The following STK32B variants were observed in gnomAD, a reference collection of about 807,000 sequenced individuals.
The protein encoded by STK32B is serine/threonine-protein kinase 32B.
Under a neutral mutation model 52.6 loss-of-function variants are expected in STK32B, and 43 were observed. That is an observed-to-expected ratio of 0.82 (90% CI 0.64 to 1.05). The LOEUF is 1.05. Ranked by LOEUF, STK32B falls within the 50% of genes least tolerant of loss-of-function variation. The probability of loss-of-function intolerance (pLI) is 0.00; values close to 1 mark genes in which losing one functional copy is unlikely to be tolerated. For missense variants in STK32B, 621 were observed against 534.6 expected, an observed-to-expected ratio of 1.16 and a Z score of -1.59; for synonymous variants, 238 against 204.3, an observed-to-expected ratio of 1.17 and a Z score of -1.41.
At chr4:5,253,665 G>A (rs1049733436) in intron 3 of STK32B, among the ~76,000 whole-genome samples, 2 of 151,934 alleles carry the variant, frequency 1.3e-5, no homozygotes, top group Admixed American at 1.3e-4. Context: ...GTGAGACACT[G>A]CACCCAGCCT....
intron 11 of STK32B, among the ~76,000 whole-genome samples, chr4:5,496,832 C>G (rs991254550): frequency 6.7e-6 from 1 of 150,052 alleles, no homozygotes; most frequent in East Asian, 2.0e-4. Flanking sequence ...GCATGAAGAT[C>G]AAAGTGATTT....
chr4:5,280,922 C>T (rs529387474), intron 3 of STK32B, among the ~76,000 whole-genome samples: 18 of 151,836 alleles, frequency 1.2e-4, no homozygotes, highest in East Asian at 1.2e-3. Flanking sequence ...AAAACAAAAA[C>T]GAAACAAAAC....
At chr4:5,316,044 C>G (rs950196688) in intron 3 of STK32B, among the ~76,000 whole-genome samples, 2 of 138,900 alleles carry the variant, frequency 1.4e-5, no homozygotes, top group African/African-American at 5.9e-5. Flanking sequence ...ATTAATAAGG[C>G]AAAATGTAAT....
chr4:5,153,470 T>G (rs2108848160), intron 2 of STK32B, among the ~76,000 whole-genome samples: 1 of 151,054 alleles, frequency 6.6e-6, no homozygotes, highest in South Asian at 2.1e-4. Context: ...TTCTTTCCTT[T>G]TTTTTTTTTA....
chr4:5,342,246 C>A (rs1008255416), intron 4 of STK32B, among the ~76,000 whole-genome samples: 2 of 152,146 alleles, frequency 1.3e-5, no homozygotes, highest in African/African-American at 2.4e-5. Flanking sequence ...AAGACACATG[C>A]ACACGTATGT....
chr4:5,158,263 C>G (rs575717610), intron 2 of STK32B, among the ~76,000 whole-genome samples: 1 of 152,262 alleles, frequency 6.6e-6, no homozygotes, highest in East Asian at 1.9e-4. Flanking sequence ...TTTCCCAGCT[C>G]CCTTTACCCT....
intron 3 of STK32B, among the ~76,000 whole-genome samples, chr4:5,219,366 A>C (rs1560234484): frequency 6.6e-6 from 1 of 152,240 alleles, no homozygotes; most frequent in Non-Finnish European, 1.5e-5. Flanking sequence ...TGGGCCTGAC[A>C]ACACTACATT....
intron 3 of STK32B, among the ~76,000 whole-genome samples, chr4:5,297,266 C>T (rs1030246916): frequency 2.6e-5 from 4 of 152,138 alleles, no homozygotes; most frequent in African/African-American, 9.7e-5. Flanking sequence ...TTGGGTTGCT[C>T]TTCTCAAGGA....
intron 2 of STK32B, among the ~76,000 whole-genome samples, chr4:5,142,942 A>G (rs1233621125): frequency 1.3e-5 from 2 of 152,194 alleles, no homozygotes; most frequent in Admixed American, 6.5e-5. Flanking sequence ...ATGAAGGAGG[A>G]ATTCTGCCTC....
At chr4:5,464,929 C>T (rs1717321781) in intron 9 of STK32B, among the ~76,000 whole-genome samples, 2 of 152,148 alleles carry the variant, frequency 1.3e-5, no homozygotes. Flanking sequence ...TGAGATTCAA[C>T]TTGCTCCTTA....
intron 3 of STK32B, among the ~76,000 whole-genome samples, chr4:5,283,867 A>C (rs1728370113): frequency 6.6e-6 from 1 of 152,200 alleles, no homozygotes. Flanking sequence ...AAGCTGAAAC[A>C]AAAGGCCACT....
chr4:5,251,028 A>G (rs113199446), intron 3 of STK32B, among the ~76,000 whole-genome samples: 2,705 of 152,254 alleles, frequency 0.018, 33 homozygotes, highest in Non-Finnish European at 0.03. Flanking sequence ...CTCTGTTGAT[A>G]GTTTCTTTTG....
chr4:5,428,217 T>C lies in STK32B; in HGVS notation c.562+11283T>C, dbSNP rs141118676. On this transcript the variant is annotated intron_variant, in intron 6 of 11. Coordinates refer to ENST00000282908, the MANE Select transcript of STK32B (RefSeq NM_018401.3). Reference sequence around the variant, plus strand: ...GGTCAGGAGATCAAGATCATCCTGGTTAACACAGTGAAACCCCGTCTCTAC... The same window carrying C: ...GGTCAGGAGATCAAGATCATCCTGGCTAACACAGTGAAACCCCGTCTCTAC... 3.7e-3 allele frequency among the ~76,000 whole-genome samples: 561 copies of C among 152,060 alleles called. 1 individual carries two copies. Among genetic ancestry groups the C allele is most frequent in the African/African-American group, 0.013 (525 of 41,490 alleles).
At chr4:5,062,950 G>A (rs893091893) in intron 1 of STK32B, among the ~76,000 whole-genome samples, 2 of 152,168 alleles carry the variant, frequency 1.3e-5, no homozygotes, top group Non-Finnish European at 2.9e-5. Flanking sequence ...TTTCATTACT[G>A]TTCCATTCAG....
chr4:5,190,338 C>T (rs537964480), intron 3 of STK32B, among the ~76,000 whole-genome samples: 3 of 152,136 alleles, frequency 2.0e-5, no homozygotes, highest in Non-Finnish European at 2.9e-5. Context: ...TCATCTCATT[C>T]GTTCTTCACC....
intron 8 of STK32B, among the ~76,000 whole-genome samples, 168 bp downstream of exon 8, chr4:5,457,091 G>A (rs36043916): frequency 6.6e-6 from 1 of 152,160 alleles, no homozygotes; most frequent in East Asian, 1.9e-4. Flanking sequence ...TGTTATGGGG[G>A]TGCGTGCAGA....
At chr4:5,497,886 C>T (rs1720426351) in intron 11 of STK32B, among the ~76,000 whole-genome samples, 1 of 152,128 alleles carries the variant, frequency 6.6e-6, no homozygotes, top group African/African-American at 2.4e-5. Flanking sequence ...GCTCTGCACT[C>T]TGTTGGAAAG....
At chr4:5,303,510 G>A (rs1400924507) in intron 3 of STK32B, among the ~76,000 whole-genome samples, 1 of 152,008 alleles carries the variant, frequency 6.6e-6, no homozygotes, top group Admixed American at 6.6e-5. Flanking sequence ...CATGTCCTCA[G>A]CCCACTTTTT....
In STK32B at chr4:5,311,914, A is replaced by ATATATATATT. The variant is rs143725868; in HGVS notation, c.261-19305_261-19304insATATATATTT. ...GAAGTGCATACTTTTATATATATATATTTTTTTTTAAAGTTTATTCTTATT... is the reference window on the plus strand; with the variant it reads ...GAAGTGCATACTTTTATATATATATATATATATATTTTTTTTTTTAAAGTTTATTCTTATT... On this transcript the variant is annotated intron_variant, in intron 3 of 11. Transcript: ENST00000282908. 3.6e-3 allele frequency among the ~76,000 whole-genome samples: 519 copies of ATATATATATT among 145,466 alleles called. 4 individuals carry two copies. The highest frequency in any genetic ancestry group is 0.013 in the African/African-American group (488 of 38,554).
Sources: allele counts gnomAD v4.1 joint callset (sites outside exome capture counted in the v4.1 genomes callset), GRCh38; gene constraint gnomAD v4.1.1; transcripts MANE v1.5; gene names NCBI Gene and HGNC (gene_info 2026-07-23, HGNC 2026-07-21).